Variants in SLCO1B3 observed in about 807,000 individuals in gnomAD.
The protein encoded by SLCO1B3 is solute carrier organic anion transporter family member 1B3.
Under a neutral mutation model 71.8 loss-of-function variants are expected in SLCO1B3, and 72 were observed. That is an observed-to-expected ratio of 1.00 (90% CI 0.83 to 1.22). The LOEUF is 1.22. Ranked by LOEUF, SLCO1B3 falls within the 50% of genes most tolerant of loss-of-function variation. The probability of loss-of-function intolerance (pLI) is 0.00; values close to 1 mark genes in which losing one functional copy is unlikely to be tolerated. For synonymous variants in SLCO1B3, 298 were observed against 278.4 expected, an observed-to-expected ratio of 1.07 and a Z score of -0.70; for missense variants, 911 against 819.7, an observed-to-expected ratio of 1.11 and a Z score of -1.36.
chr12:20,810,977 A>C (rs1864100803), intron 1 of SLCO1B3, among the ~76,000 whole-genome samples: 1 of 152,194 alleles, frequency 6.6e-6, no homozygotes, highest in Non-Finnish European at 1.5e-5. Context: ...AAATAAGAGT[A>C]AATCATACCT....
intron 3 of SLCO1B3, among the ~76,000 whole-genome samples, chr12:20,837,603 C>T (rs1038227642): frequency 6.6e-6 from 1 of 152,202 alleles, no homozygotes; most frequent in Middle Eastern, 3.4e-3. Context: ...TACTTAGTCT[C>T]TACATATTTG....
intron 3 of SLCO1B3, 90 bp downstream of exon 3, chr12:20,815,912 T>C (rs1273101825): frequency 3.2e-6 from 2 of 620,988 alleles, no homozygotes; most frequent in Admixed American, 3.2e-5. Context: ...AAGAACATTA[T>C]ATCTCATATT....
chr12:20,858,720 A>G (rs1246226080), intron 5 of SLCO1B3, 149 bp downstream of exon 5: 2 of 642,244 alleles, frequency 3.1e-6, no homozygotes, highest in South Asian at 2.9e-5. Context: ...TTCCTATATA[A>G]TAGTTCATGT....
chr12:20,912,532 C>CA (rs1215926597), intron 15 of SLCO1B3, among the ~76,000 whole-genome samples: 1 of 107,076 alleles, frequency 9.3e-6, no homozygotes, highest in Non-Finnish European at 2.0e-5. Context: ...CTTTTCTTTT[C>CA]TTTTTTTTCA....
At chr12:20,853,372 C>A (rs144214907) in intron 3 of SLCO1B3, among the ~76,000 whole-genome samples, 21 of 151,928 alleles carry the variant, frequency 1.4e-4, no homozygotes, top group African/African-American at 2.2e-4. Context: ...CTGGTTTTAT[C>A]TTTTTTGGAA....
chr12:20,827,262 C>G (rs1864442206), intron 3 of SLCO1B3, among the ~76,000 whole-genome samples: 1 of 152,098 alleles, frequency 6.6e-6, no homozygotes, highest in Non-Finnish European at 1.5e-5. Context: ...TGTGAATTGA[C>G]AATTCTAAAG....
At chr12:20,886,402 A>G (rs11045582) in intron 13 of SLCO1B3, among the ~76,000 whole-genome samples, 109,996 of 151,854 alleles carry the variant, frequency 0.72, 42,428 homozygotes, top group South Asian at 0.9. Flanking sequence ...CTGGGTACAG[A>G]TAGAAACTAC....
Position 20,821,503 on chromosome 12 carries a change from C to T in SLCO1B3, c.84+5681C>T, listed in dbSNP as rs371153595. 1.1e-3 allele frequency among the ~76,000 whole-genome samples: 173 copies of T among 152,152 alleles called. 4 individuals are homozygous for T. The South Asian group carries it at 0.033, about 29-fold the overall frequency. On this transcript the variant is annotated intron_variant, in intron 3 of 15. Transcript: ENST00000381545. ...AAGCCCAGAGAAAAGAGTAGAGACACGGAGAAGTGATGGGGGTTTCTTGCC... is the reference window on the plus strand; with the variant it reads ...AAGCCCAGAGAAAAGAGTAGAGACATGGAGAAGTGATGGGGGTTTCTTGCC...
chr12:20,831,155 G>A (rs540616468), intron 3 of SLCO1B3, among the ~76,000 whole-genome samples: 15 of 152,078 alleles, frequency 9.9e-5, no homozygotes, highest in African/African-American at 2.7e-4. Context: ...TTAGGAGTTC[G>A]AGACCAGCCT....
In SLCO1B3 at chr12:20,916,119, A is replaced by T; in HGVS notation, c.1981A>T (p.Asn661Tyr). 6.2e-7 allele frequency: 1 copy of T among 1,613,576 alleles called. No individual in the cohort carries two copies. Among genetic ancestry groups the T allele is most frequent in the Non-Finnish European group, 8.5e-7 (1 of 1,179,662 alleles). The stretch of plus-strand genomic sequence containing the variant: ...AGGAAAAGATACCAAGGCATCGGAC[A>T]ATGAAAGAAAAGTAATGGATGAAGC... ...FQGKDTKASD[N>Y]ERKVMDEANL... The change falls in exon 16 of 16, where the codon AAT becomes TAT. Residue 661 changes from asparagine (N) to tyrosine (Y), a missense_variant. By Grantham distance (143) the Asn-to-Tyr change is moderately radical (BLOSUM62 -2). Transcript: ENST00000381545.
At chr12:20,903,933 A>G (rs1291487248) in intron 15 of SLCO1B3, among the ~76,000 whole-genome samples, 1 of 152,136 alleles carries the variant, frequency 6.6e-6, no homozygotes, top group Admixed American at 6.6e-5. Context: ...TGAGCCTATT[A>G]AATTTTAAAA....
intron 8 of SLCO1B3, among the ~76,000 whole-genome samples, chr12:20,868,710 T>C (rs1002833802): frequency 4.0e-4 from 61 of 152,046 alleles, no homozygotes; most frequent in Non-Finnish European, 6.9e-4. Context: ...CTACCACCAA[T>C]GCACAGAGAC....
chr12:20,908,046 C>T (rs180989054), intron 15 of SLCO1B3, among the ~76,000 whole-genome samples: 9 of 152,118 alleles, frequency 5.9e-5, no homozygotes, highest in Admixed American at 5.2e-4. Flanking sequence ...GCCACTAAAA[C>T]ATTGTTTTAA....
chr12:20,886,308 T>C (rs1865791952), intron 13 of SLCO1B3, among the ~76,000 whole-genome samples: 2 of 151,996 alleles, frequency 1.3e-5, no homozygotes, highest in Non-Finnish European at 2.9e-5. Context: ...TTTAGGAAAA[T>C]CATTAAAGCC....
intron 8 of SLCO1B3, among the ~76,000 whole-genome samples, chr12:20,869,793 A>G (rs570366624): frequency 1.3e-5 from 2 of 152,338 alleles, no homozygotes; most frequent in South Asian, 4.1e-4. Context: ...TGCAATGAAC[A>G]TACAAATGGA....
At chr12:20,820,964 C>T (rs1436659772) in intron 3 of SLCO1B3, among the ~76,000 whole-genome samples, 1 of 152,038 alleles carries the variant, frequency 6.6e-6, no homozygotes, top group Non-Finnish European at 1.5e-5. Context: ...TAAGCCGGAT[C>T]AGGTGTGAGG....
At position 20,877,792 on chromosome 12, in the gene SLCO1B3, A is replaced by G. The variant is rs1217855234; in HGVS notation, c.991A>G (p.Ser331Gly). 8 of 1,449,322 alleles carry G rather than the reference A, an allele frequency of 5.5e-6. No individual in the cohort carries two copies. The highest frequency in any genetic ancestry group is 2.9e-5 in the African/African-American group (2 of 68,138). 89.8% of individuals were successfully genotyped at this position (1,449,322 alleles called of 1,614,324 possible). A position where few individuals can be genotyped will look rare whatever the true frequency, so the allele number is the denominator to read the frequency against. The change falls in exon 10 of 16, where the codon AGC (serine) becomes GGC (glycine). Residue 331 changes from serine (S) to glycine (G), a missense_variant. By Grantham distance (56) the Ser-to-Gly change is moderately conservative. Transcript: ENST00000381545. ...NVTGFFQSLKSILTNPLYVIF... is the reference protein window; with the variant it reads ...NVTGFFQSLKGILTNPLYVIF... ...TATAGGTTTTTTCCAGTCTTTGAAA[A>G]GCATCCTTACCAATCCCCTGTATGT...
At chr12:20,858,885 G>C (rs1353898106) in intron 5 of SLCO1B3, 1 of 161,774 alleles carries the variant, frequency 6.2e-6, no homozygotes, top group Admixed American at 6.2e-5. Flanking sequence ...TTGCCTGTAA[G>C]ATTTTGATTA....
At chr12:20,859,281 T>C (rs1480705170) in intron 5 of SLCO1B3, among the ~76,000 whole-genome samples, 1 of 152,136 alleles carries the variant, frequency 6.6e-6, no homozygotes, top group Non-Finnish European at 1.5e-5. Flanking sequence ...GGGAAGTCAG[T>C]TACGTTTTAC....
Sources: allele counts gnomAD v4.1 joint callset (sites outside exome capture counted in the v4.1 genomes callset), GRCh38; gene constraint gnomAD v4.1.1; transcripts MANE v1.5; gene names NCBI Gene and HGNC (gene_info 2026-07-23, HGNC 2026-07-21).